Variants in KCNQ3 observed in about 807,000 individuals in gnomAD.
The protein encoded by KCNQ3 is potassium voltage-gated channel subfamily KQT member 3.
Under a neutral mutation model 92.5 loss-of-function variants are expected in KCNQ3, and 30 were observed. That is an observed-to-expected ratio of 0.32 (90% CI 0.24 to 0.44). The LOEUF (loss-of-function observed/expected upper bound fraction) is 0.44, where lower values mean the gene tolerates loss of function less well. Among genes scored for constraint, KCNQ3 ranks in the 20% least tolerant of loss-of-function variants. The pLI is 1.00. For missense variants in KCNQ3, 913 were observed against 1,140.3 expected (o/e 0.80, Z 2.87); for synonymous variants, 450 against 468.8 (o/e 0.96, Z 0.52).
At chr8:132,434,656 A>T (rs1821346213) in intron 1 of KCNQ3, among the ~76,000 whole-genome samples, 1 of 152,246 alleles carries the variant, frequency 6.6e-6, no homozygotes, top group Non-Finnish European at 1.5e-5. Context: ...GCAAAATCAA[A>T]ATGATGTGAA....
chr8:132,338,271 T>G (rs1446481861), intron 1 of KCNQ3, among the ~76,000 whole-genome samples: 1 of 152,190 alleles, frequency 6.6e-6, no homozygotes, highest in African/African-American at 2.4e-5. Context: ...AAGGCAGAAC[T>G]GAAATTAAAC....
intron 1 of KCNQ3, among the ~76,000 whole-genome samples, chr8:132,380,944 A>C (rs1340820995): frequency 1.3e-5 from 2 of 151,800 alleles, no homozygotes; most frequent in African/African-American, 4.8e-5. Context: ...AAAAAAAAAA[A>C]AAAAAAACAA....
chr8:132,161,202 C>G (rs908648788), intron 9 of KCNQ3, among the ~76,000 whole-genome samples: 3 of 152,098 alleles, frequency 2.0e-5, no homozygotes, highest in Non-Finnish European at 2.9e-5. Flanking sequence ...TTTCTTATCC[C>G]CAATATAGCA....
At position 132,414,725 on chromosome 8, in the gene KCNQ3, G is replaced by A. The variant is rs888255726; in HGVS notation, c.386+65422C>T. Among the ~76,000 whole-genome samples the A allele has an allele frequency of 9.8e-5, 15 of 152,298 alleles. No homozygotes were observed. The East Asian group carries it at 1.5e-3, about 16-fold the overall frequency. ...TGATCCTTTTAGGAGAAACAAAAGC[G>A]GAAGAATAGCAAAATAATAGACAGA... is the stretch of plus-strand genomic sequence containing the variant. On this transcript the variant is annotated intron_variant, in intron 1 of 14. Transcript: ENST00000388996.
At chr8:132,373,059 C>T (rs538944213) in intron 1 of KCNQ3, among the ~76,000 whole-genome samples, 16 of 152,190 alleles carry the variant, frequency 1.1e-4, no homozygotes, top group African/African-American at 3.9e-4. Context: ...TTCTGATTCG[C>T]TAATGGACCA....
Position 132,300,540 on chromosome 8 carries a change from G to A in KCNQ3, c.387-114359C>T, listed in dbSNP as rs568331290. Among the ~76,000 whole-genome samples, 5 of 152,240 alleles carry A rather than the reference G, an allele frequency of 3.3e-5. No homozygotes were observed. In the East Asian group the frequency reaches 5.8e-4, roughly 18 times the overall value. On this transcript the variant is annotated intron_variant, in intron 1 of 14. Coordinates refer to ENST00000388996, the MANE Select transcript of KCNQ3 (RefSeq NM_004519.4). ...CCTTTCAGGGTTTTGAGATGGCAGCGGGAAGTCCAGAACTGTGGGACACAT... is the reference window on the plus strand; with the variant it reads ...CCTTTCAGGGTTTTGAGATGGCAGCAGGAAGTCCAGAACTGTGGGACACAT...
chr8:132,368,055 C>T (rs186135512), intron 1 of KCNQ3, among the ~76,000 whole-genome samples: 1 of 152,194 alleles, frequency 6.6e-6, no homozygotes, highest in Non-Finnish European at 1.5e-5. Flanking sequence ...GCAACAGCAC[C>T]TCCTTTCACA....
intron 1 of KCNQ3, among the ~76,000 whole-genome samples, chr8:132,428,452 C>A (rs558520129): frequency 2.5e-4 from 38 of 152,286 alleles, no homozygotes; most frequent in African/African-American, 8.9e-4. Flanking sequence ...CCGCAATCAG[C>A]CTCTGGTCCC....
chr8:132,245,314 T>C (rs1815133678), intron 1 of KCNQ3, among the ~76,000 whole-genome samples: 1 of 152,212 alleles, frequency 6.6e-6, no homozygotes, highest in African/African-American at 2.4e-5. Context: ...AGTTTCTTCC[T>C]ATTTGTAGGC....
chr8:132,423,133 C>T (rs1821016909), intron 1 of KCNQ3, among the ~76,000 whole-genome samples: 1 of 152,132 alleles, frequency 6.6e-6, no homozygotes, highest in Non-Finnish European at 1.5e-5. Flanking sequence ...AATTACCACC[C>T]CCCACCACCA....
At chr8:132,311,389 A>T (rs574605405) in intron 1 of KCNQ3, among the ~76,000 whole-genome samples, 1 of 152,102 alleles carries the variant, frequency 6.6e-6, no homozygotes, top group Non-Finnish European at 1.5e-5. Context: ...CCCGTTTACT[A>T]ATTTATTGTA....
At chr8:132,444,538 T>C (rs968180695) in intron 1 of KCNQ3, among the ~76,000 whole-genome samples, 2 of 152,202 alleles carry the variant, frequency 1.3e-5, no homozygotes, top group African/African-American at 2.4e-5. Flanking sequence ...TCATGTAACT[T>C]TTCTGTGCCT....
chr8:132,392,857 C>A (rs977305798), intron 1 of KCNQ3, among the ~76,000 whole-genome samples: 14 of 149,460 alleles, frequency 9.4e-5, no homozygotes, highest in African/African-American at 3.4e-4. Flanking sequence ...TCAGCTCTTA[C>A]CATATCATAT....
At chr8:132,288,621 G>A (rs1341845976) in intron 1 of KCNQ3, among the ~76,000 whole-genome samples, 2 of 151,948 alleles carry the variant, frequency 1.3e-5, no homozygotes, top group Admixed American at 6.6e-5. Context: ...GCATTGTATT[G>A]TTTCCACTTC....
In KCNQ3 at chr8:132,126,684, G is replaced by A. The variant is rs1294882262; in HGVS notation, c.*2578C>T. 6.6e-6 allele frequency: 1 copy of A among 151,760 alleles called. No homozygotes were observed. The highest frequency in any genetic ancestry group is 1.5e-5 in the Non-Finnish European group (1 of 68,018). 9.4% of individuals were successfully genotyped at this position (151,760 alleles called of 1,614,324 possible). ...ACTGATCAATACAAACCCAATCTCT[G>A]CTGTCCTGGTCTTATGATCCAGCAG... On this transcript the variant is annotated 3_prime_UTR_variant, in exon 15 of 15. Transcript: ENST00000388996.
chr8:132,329,194 C>A (rs150165343), intron 1 of KCNQ3, among the ~76,000 whole-genome samples: 3 of 152,304 alleles, frequency 2.0e-5, no homozygotes, highest in Non-Finnish European at 4.4e-5. Flanking sequence ...GGGCAACAGG[C>A]AGGACCTTTG....
intron 1 of KCNQ3, among the ~76,000 whole-genome samples, chr8:132,420,869 T>C (rs1820947346): frequency 6.6e-6 from 1 of 152,170 alleles, no homozygotes; most frequent in Non-Finnish European, 1.5e-5. Context: ...CTCCTCGACC[T>C]CGGTCACTCC....
intron 1 of KCNQ3, among the ~76,000 whole-genome samples, chr8:132,257,027 C>A (rs1815611234): frequency 6.6e-6 from 1 of 151,612 alleles, no homozygotes; most frequent in African/African-American, 2.4e-5. Flanking sequence ...AAAAGACAAC[C>A]CATGAAGAAA....
intron 1 of KCNQ3, among the ~76,000 whole-genome samples, chr8:132,375,990 G>T (rs1260417258): frequency 6.6e-6 from 1 of 152,158 alleles, no homozygotes; most frequent in African/African-American, 2.4e-5. Flanking sequence ...GGGCAGGGGG[G>T]TGTCTTATTC....
Sources: allele counts gnomAD v4.1 joint callset (sites outside exome capture counted in the v4.1 genomes callset), GRCh38; gene constraint gnomAD v4.1.1; transcripts MANE v1.5; gene names NCBI Gene and HGNC (gene_info 2026-07-23, HGNC 2026-07-21).